The following TGM4 variants were observed in gnomAD, a reference collection of about 807,000 sequenced individuals.
TGM4 encodes protein-glutamine gamma-glutamyltransferase 4.
In TGM4, 61 loss-of-function variants were observed where a neutral mutation model predicts 76.3. That is an observed-to-expected ratio of 0.80 (90% CI 0.65 to 0.99). TGM4 has a LOEUF of 0.99. TGM4 is among the 50% of genes least tolerant of loss of function. The pLI is 0.00. For synonymous variants in TGM4, 337 were observed against 329.8 expected (o/e 1.02, Z -0.24); for missense variants, 794 against 843.2 (o/e 0.94, Z 0.72).
intron 13 of TGM4, among the ~76,000 whole-genome samples, chr3:44,912,973 TG>T (rs1181641206): frequency 1.3e-5 from 2 of 152,268 alleles, no homozygotes; most frequent in Non-Finnish European, 2.9e-5. Flanking sequence ...GAGAGGTTTC[TG>T]ATGGTCTGTT....
intron 10 of TGM4, among the ~76,000 whole-genome samples, chr3:44,907,960 A>G (rs1027673329): frequency 6.6e-6 from 1 of 152,216 alleles, no homozygotes; most frequent in Non-Finnish European, 1.5e-5. Flanking sequence ...AGAGGAAGGC[A>G]GGAAATCGTA....
chr3:44,889,563 T>C (rs1699660914), intron 3 of TGM4, among the ~76,000 whole-genome samples: 1 of 152,174 alleles, frequency 6.6e-6, no homozygotes, highest in East Asian at 1.9e-4. Flanking sequence ...ATTGCTCCTA[T>C]GAGTTATAAT....
intron 9 of TGM4, among the ~76,000 whole-genome samples, chr3:44,904,418 T>A: frequency 6.6e-6 from 1 of 152,122 alleles, no homozygotes; most frequent in Non-Finnish European, 1.5e-5. Context: ...AAGTCAGACA[T>A]AATGGGGATG....
At chr3:44,890,117 G>T (rs903839380) in intron 3 of TGM4, among the ~76,000 whole-genome samples, 2 of 152,178 alleles carry the variant, frequency 1.3e-5, no homozygotes, top group Non-Finnish European at 2.9e-5. Context: ...CATGAGAACA[G>T]CATGGGGGAA....
rs1700063868 is a variant in TGM4, at chr3:44,914,819, G to C, written c.*1094G>C. ...ACACCCTGGCAAAGGCACGTAGCTT[G>C]AATGAGGGTTATTTTGTGTCTAATT... On this transcript the variant is annotated 3_prime_UTR_variant, in exon 14 of 14. Transcript: ENST00000296125. The C allele has an allele frequency of 6.6e-6, 1 of 152,160 alleles. No homozygotes were observed. The highest frequency in any genetic ancestry group is 2.4e-5 in the African/African-American group (1 of 41,408). 9.4% of individuals were successfully genotyped at this position (152,160 alleles called of 1,614,324 possible).
intron 2 of TGM4, among the ~76,000 whole-genome samples, chr3:44,886,302 T>A (rs539329698): frequency 1.3e-5 from 2 of 152,266 alleles, no homozygotes; most frequent in East Asian, 3.9e-4. Flanking sequence ...GATAGTGTCA[T>A]TGCACTTCAT....
intron 13 of TGM4, 38 bp downstream of exon 13, chr3:44,911,444 G>A (rs1431695747): frequency 1.2e-6 from 2 of 1,610,306 alleles, no homozygotes; most frequent in Non-Finnish European, 1.7e-6. Context: ...ATATGCTTCT[G>A]GACATATATC....
chr3:44,876,433 T>A (rs1462959549), intron 1 of TGM4: 1 of 152,220 alleles, frequency 6.6e-6, no homozygotes, highest in Non-Finnish European at 1.5e-5. Flanking sequence ...CTCTAGGAGG[T>A]CAGGACATCC....
Position 44,878,050 on chromosome 3 carries a change from A to T in TGM4, c.19+3353A>T, listed in dbSNP as rs1309275214. On this transcript the variant is annotated intron_variant, in intron 1 of 13. Transcript: ENST00000296125. Reference sequence around the variant, plus strand: ...CCTGTAGTGCCAGCTACTCAGGAGGATGAGGTGAGAGGATTGCTTCAGCCC... The same window carrying T: ...CCTGTAGTGCCAGCTACTCAGGAGGTTGAGGTGAGAGGATTGCTTCAGCCC... Among the ~76,000 whole-genome samples the T allele has an allele frequency of 2.0e-5, 3 of 151,974 alleles. No homozygotes were observed. The East Asian group carries it at 5.8e-4, about 29-fold the overall frequency.
chr3:44,882,665 T>G (rs769782987), intron 1 of TGM4, among the ~76,000 whole-genome samples: 34 of 152,366 alleles, frequency 2.2e-4, no homozygotes, highest in Admixed American at 5.9e-4. Context: ...ACACTTATTC[T>G]TGGATTTAGG....
chr3:44,895,220 G>A lies in TGM4; in HGVS notation c.550-1489G>A, dbSNP rs577069980. On this transcript the variant is annotated intron_variant, in intron 5 of 13. Transcript: ENST00000296125. ...TGAGGCAGGAGAATCACTTGAACCCGGGAGACGGAGGTTGCAGTGAGCCGA... is the reference window on the plus strand; with the variant it reads ...TGAGGCAGGAGAATCACTTGAACCCAGGAGACGGAGGTTGCAGTGAGCCGA... Among the ~76,000 whole-genome samples, 515 of 152,270 alleles carry A rather than the reference G, an allele frequency of 3.4e-3. 3 individuals carry two copies. The highest frequency in any genetic ancestry group is 4.5e-3 in the Non-Finnish European group (304 of 68,012).
At chr3:44,878,455 A>T (rs1327786625) in intron 1 of TGM4, among the ~76,000 whole-genome samples, 8 of 31,322 alleles carry the variant, frequency 2.6e-4, no homozygotes, top group African/African-American at 6.1e-4. Context: ...TTGTTTTATT[A>T]TTATTATTAT....
intron 10 of TGM4, among the ~76,000 whole-genome samples, 170 bp downstream of exon 10, chr3:44,907,370 C>A (rs1699939314): frequency 6.6e-6 from 1 of 151,396 alleles, no homozygotes; most frequent in Non-Finnish European, 1.5e-5. Context: ...GTGGTCCCAG[C>A]TACTCAGGAG....
At chr3:44,885,592 G>T in intron 2 of TGM4, 94 bp downstream of exon 2, 1 of 1,382,826 alleles carries the variant, frequency 7.2e-7, no homozygotes, top group Non-Finnish European at 9.8e-7. Flanking sequence ...TCTGAGCCAG[G>T]AGTGCCTTAC....
intron 10 of TGM4, among the ~76,000 whole-genome samples, chr3:44,909,065 T>C (rs966341411): frequency 5.9e-5 from 9 of 152,250 alleles, no homozygotes; most frequent in African/African-American, 2.2e-4. Context: ...GACCACTGAA[T>C]TCTCTGCTCA....
intron 3 of TGM4, chr3:44,890,252 G>A (rs940050038): frequency 2.0e-5 from 4 of 203,680 alleles, no homozygotes; most frequent in Non-Finnish European, 4.0e-5. Flanking sequence ...CACCTTATGC[G>A]TACTTTATCC....
intron 4 of TGM4, among the ~76,000 whole-genome samples, chr3:44,890,991 C>G (rs1001726940): frequency 4.6e-5 from 7 of 152,194 alleles, no homozygotes; most frequent in Non-Finnish European, 8.8e-5. Flanking sequence ...GCCTCCACCA[C>G]TGTACAGAGG....
At chr3:44,878,929 T>C (rs1699489183) in intron 1 of TGM4, among the ~76,000 whole-genome samples, 1 of 152,126 alleles carries the variant, frequency 6.6e-6, no homozygotes, top group African/African-American at 2.4e-5. Flanking sequence ...TAGTATATAG[T>C]TTAGCCCTTT....
intron 13 of TGM4, 71 bp downstream of exon 13, chr3:44,911,477 G>C: frequency 6.4e-7 from 1 of 1,555,486 alleles, no homozygotes; most frequent in East Asian, 2.3e-5. Context: ...GCATATTCCT[G>C]AGAAGTGAAT....
Sources: allele counts gnomAD v4.1 joint callset (sites outside exome capture counted in the v4.1 genomes callset), GRCh38; gene constraint gnomAD v4.1.1; transcripts MANE v1.5; gene names NCBI Gene and HGNC (gene_info 2026-07-23, HGNC 2026-07-21).